The following ARIH1 variants were observed in gnomAD, a reference collection of about 807,000 sequenced individuals.
ARIH1 encodes E3 ubiquitin-protein ligase ARIH1.
A neutral mutation model predicts 85.0 loss-of-function variants in ARIH1; 8 were observed. That is an observed-to-expected ratio of 0.09 (90% CI 0.06 to 0.17). The LOEUF is 0.17. Among genes scored for constraint, ARIH1 ranks in the 10% least tolerant of loss-of-function variants. The pLI is 1.00. For missense variants in ARIH1, 311 were observed against 718.1 expected, an observed-to-expected ratio of 0.43 and a Z score of 6.48; for synonymous variants, 238 against 253.6, an observed-to-expected ratio of 0.94 and a Z score of 0.59.
intron 3 of ARIH1, among the ~76,000 whole-genome samples, chr15:72,549,170 C>G (rs1449857975): frequency 1.3e-5 from 2 of 151,440 alleles, no homozygotes; most frequent in Non-Finnish European, 2.9e-5. Flanking sequence ...TCACTGCAAC[C>G]TCCACCCCGC....
At chr15:72,513,806 CCTCCCTCCCCCT>C (rs1312364917) in intron 1 of ARIH1, among the ~76,000 whole-genome samples, 6 of 24,140 alleles carry the variant, frequency 2.5e-4, no homozygotes, top group East Asian at 2.0e-3. Flanking sequence ...TCCCTCCTTC[CCTCCCTCCCCCT>C]CTCCCTCCCC....
rs1054239483 is a variant in ARIH1, at chr15:72,585,771, A to C, written c.*2479A>C. On this transcript the variant is annotated 3_prime_UTR_variant, in exon 14 of 14. Coordinates refer to ENST00000379887, the MANE Select transcript of ARIH1 (RefSeq NM_005744.5). Reference sequence around the variant, plus strand: ...GATCAAGATGAACTGGCCCTTTTCTACTTCCAAGCTTTTAACAGATACCAC... The same window carrying C: ...GATCAAGATGAACTGGCCCTTTTCTCCTTCCAAGCTTTTAACAGATACCAC... The C allele has an allele frequency of 6.6e-6, 1 of 152,096 alleles. No individual in the cohort carries two copies. Among genetic ancestry groups the C allele is most frequent in the East Asian group, 1.9e-4 (1 of 5,198 alleles). 9.4% of individuals were successfully genotyped at this position (152,096 alleles called of 1,614,324 possible). A position where few individuals can be genotyped will look rare whatever the true frequency, so the allele number is the denominator to read the frequency against.
intron 3 of ARIH1, among the ~76,000 whole-genome samples, chr15:72,552,411 C>G (rs1341304948): frequency 6.6e-6 from 1 of 152,102 alleles, no homozygotes; most frequent in Non-Finnish European, 1.5e-5. Context: ...CCTCAGTCTC[C>G]TGAGTAGCTG....
At chr15:72,495,587 CAA>C (rs1238862255) in intron 1 of ARIH1, among the ~76,000 whole-genome samples, 1 of 152,138 alleles carries the variant, frequency 6.6e-6, no homozygotes, top group Non-Finnish European at 1.5e-5. Flanking sequence ...CTCCTATAAA[CAA>C]AAGTTTCCTG....
Position 72,474,894 on chromosome 15 carries a change from C to CGGCGGT in ARIH1, c.257_258insCGGTGG (p.Gly89_Gly90dup), listed in dbSNP as rs2063787862. The CGGCGGT allele has an allele frequency of 1.6e-5, 22 of 1,397,948 alleles. No individual in the cohort carries two copies. Among genetic ancestry groups the CGGCGGT allele is most frequent in the Non-Finnish European group, 1.9e-5 (20 of 1,068,638 alleles). 86.6% of individuals were successfully genotyped at this position (1,397,948 alleles called of 1,614,324 possible). A position where few individuals can be genotyped will look rare whatever the true frequency, so the allele number is the denominator to read the frequency against. On this transcript the variant is annotated inframe_insertion, in exon 1 of 14. Coordinates refer to ENST00000379887, the MANE Select transcript of ARIH1 (RefSeq NM_005744.5). ...GCGGTGGCGGCGGCGGCGGCGGCGG[C>CGGCGGT]GGTGGTGGTGGCGGGCCGGGGCATG...
chr15:72,545,144 C>T (rs901739742), intron 3 of ARIH1, among the ~76,000 whole-genome samples, 180 bp downstream of exon 3: 2 of 152,108 alleles, frequency 1.3e-5, no homozygotes, highest in Admixed American at 6.5e-5. Flanking sequence ...TTCCTCTTAC[C>T]TCCAACCCCC....
At chr15:72,557,118 GTTTAATTTTTTT>G (rs1483251092) in intron 5 of ARIH1, among the ~76,000 whole-genome samples, 7 of 151,870 alleles carry the variant, frequency 4.6e-5, no homozygotes, top group Non-Finnish European at 7.4e-5. Flanking sequence ...ATTATTTTTT[GTTTAATTTTTTT>G]TTACTTTTTA....
intron 5 of ARIH1, among the ~76,000 whole-genome samples, chr15:72,558,540 G>A (rs1394967956): frequency 1.3e-5 from 2 of 152,182 alleles, no homozygotes; most frequent in African/African-American, 2.4e-5. Flanking sequence ...GACCTCAGGC[G>A]ATCTGCCCGC....
chr15:72,506,368 A>G (rs920039389), intron 1 of ARIH1, among the ~76,000 whole-genome samples: 2 of 145,526 alleles, frequency 1.4e-5, no homozygotes, highest in African/African-American at 5.1e-5. Context: ...AAAAAAAAGA[A>G]AAAAAAAAAG....
chr15:72,537,647 T>G (rs2064088608), intron 2 of ARIH1, among the ~76,000 whole-genome samples: 1 of 152,212 alleles, frequency 6.6e-6, no homozygotes, highest in South Asian at 2.1e-4. Flanking sequence ...CATTTTCCCT[T>G]AAATGTACAT....
At chr15:72,475,221 G>A in intron 1 of ARIH1, 1 of 1,167,086 alleles carries the variant, frequency 8.6e-7, no homozygotes, top group South Asian at 1.9e-5. Flanking sequence ...GGTGCGCTGG[G>A]GGCGGTGCTT....
At chr15:72,507,008 GTATGTATGTA>G in intron 1 of ARIH1, among the ~76,000 whole-genome samples, 1 of 141,270 alleles carries the variant, frequency 7.1e-6, no homozygotes, top group East Asian at 2.2e-4. Flanking sequence ...ATGTATGTAT[GTATGTATGTA>G]TGTATTTATT....
At chr15:72,532,504 A>G (rs2064062059) in intron 2 of ARIH1, among the ~76,000 whole-genome samples, 1 of 152,232 alleles carries the variant, frequency 6.6e-6, no homozygotes, top group South Asian at 2.1e-4. Flanking sequence ...AACATTTAAT[A>G]TGACAGTAAC....
intron 3 of ARIH1, among the ~76,000 whole-genome samples, 181 bp downstream of exon 3, chr15:72,545,145 T>G (rs997460312): frequency 1.3e-5 from 2 of 152,184 alleles, no homozygotes; most frequent in Non-Finnish European, 2.9e-5. Context: ...TCCTCTTACC[T>G]CCAACCCCCA....
chr15:72,523,831 G>C (rs2064012061), intron 2 of ARIH1, among the ~76,000 whole-genome samples: 1 of 151,506 alleles, frequency 6.6e-6, no homozygotes, highest in Non-Finnish European at 1.5e-5. Context: ...CTTTTAAAGG[G>C]GGAAATAAAC....
intron 2 of ARIH1, among the ~76,000 whole-genome samples, chr15:72,543,847 GT>G (rs879379006): frequency 1.0e-3 from 148 of 143,210 alleles, no homozygotes; most frequent in African/African-American, 2.3e-3. Context: ...AGATTGAAAA[GT>G]TTTTTTTTTT....
At chr15:72,515,344 A>AAAAAAT (rs2063970407) in intron 1 of ARIH1, among the ~76,000 whole-genome samples, 1 of 152,198 alleles carries the variant, frequency 6.6e-6, no homozygotes, top group Non-Finnish European at 1.5e-5. Context: ...CTCGAAAAAT[A>AAAAAAT]AAAAATAAAA....
intron 3 of ARIH1, among the ~76,000 whole-genome samples, chr15:72,547,207 G>A (rs1160771782): frequency 2.7e-5 from 4 of 148,672 alleles, no homozygotes; most frequent in African/African-American, 9.9e-5. Context: ...GATTACAGGC[G>A]TGAGCCACCG....
chr15:72,497,972 A>G (rs188844960), intron 1 of ARIH1, among the ~76,000 whole-genome samples: 16 of 152,304 alleles, frequency 1.1e-4, no homozygotes, highest in African/African-American at 3.6e-4. Flanking sequence ...AATATACCAT[A>G]GTAGGGATGT....
Sources: allele counts gnomAD v4.1 joint callset (sites outside exome capture counted in the v4.1 genomes callset), GRCh38; gene constraint gnomAD v4.1.1; transcripts MANE v1.5; gene names NCBI Gene and HGNC (gene_info 2026-07-23, HGNC 2026-07-21).